TCP11: variants seen among roughly 807,000 people sequenced by gnomAD.
TCP11 encodes the protein t-complex 11, also known as T-complex protein 11 homolog.
In TCP11, 34 loss-of-function variants were observed where a neutral mutation model predicts 45.0. The observed-to-expected ratio is 0.76, with a 90% CI of 0.57 to 1.01. TCP11 has a LOEUF of 1.01. TCP11 is among the 50% of genes least tolerant of loss of function. The pLI, the probability that TCP11 is intolerant of heterozygous loss-of-function variation, is 0.00. For synonymous variants in TCP11, 227 were observed against 227.0 expected, an observed-to-expected ratio of 1.00 and a Z score of 0.00; for missense variants, 523 against 598.1, an observed-to-expected ratio of 0.87 and a Z score of 1.31.
At chr6:35,140,618 G>T (rs1276585263) in intron 2 of TCP11, 129 bp downstream of exon 2, 22 of 701,324 alleles carry the variant, frequency 3.1e-5, no homozygotes, top group South Asian at 1.5e-5. Context: ...AGGCGGGTGG[G>T]GGAGAAACGG....
Position 35,136,129 on chromosome 6 carries a change from C to T in TCP11, c.214G>A (p.Glu72Lys). The T allele has an allele frequency of 1.2e-6, 2 of 1,613,656 alleles. No homozygotes were observed. The highest frequency in any genetic ancestry group is 1.7e-6 in the Non-Finnish European group (2 of 1,179,790). The change falls in exon 3 of 10, where the codon GAG (glutamate) becomes AAG (lysine). Residue 72 changes from glutamate (E) to lysine (K), a missense_variant. Physicochemically the swap from Glu to Lys is moderately conservative, Grantham distance 56 (BLOSUM62 1). Around this residue, in one of 2 missense-constraint regions of TCP11, gnomAD observed 225 missense variants for 210.2 expected, o/e 1.07. Transcript: ENST00000311875. ...IGMNCDYYME[E>K]KVLPPSSLEG... ...TACCTGCTTGGAGGTAAAACCTTCT[C>T]TTCCATGTAGTAATCACAATTCATC...
intron 1 of TCP11, 78 bp downstream of exon 1, chr6:35,141,127 G>A (rs1781725007): frequency 7.6e-6 from 10 of 1,313,188 alleles, no homozygotes; most frequent in Non-Finnish European, 9.7e-6. Flanking sequence ...AGCGTGGGAA[G>A]GCCCCTTCCT....
At position 35,140,828 on chromosome 6, in the gene TCP11, C is replaced by T; in HGVS notation, c.43G>A (p.Asp15Asn). The change falls in exon 2 of 10, where the codon GAC becomes AAC. Residue 15 changes from aspartate (D) to asparagine (N), a missense_variant. This residue lies in a region of TCP11 where 225 missense variants were observed against 210.2 expected (regional missense o/e 1.07). Transcript: ENST00000311875. ...KESVPPKYPG[D>N]SEGRSCKPET... ...GGCTTACAGGACCTGCCCTCTGAGT[C>T]GCCAGGATATTTCGGGGGCACACTC... The T allele has an allele frequency of 6.4e-7, 1 of 1,558,914 alleles. No individual in the cohort carries two copies. Among genetic ancestry groups the T allele is most frequent in the South Asian group, 1.2e-5 (1 of 80,536 alleles).
intron 4 of TCP11, chr6:35,128,547 T>C (rs929089357): frequency 2.0e-5 from 3 of 152,868 alleles, no homozygotes; most frequent in African/African-American, 7.2e-5. Flanking sequence ...TGCAGAACAT[T>C]GTGGGTCACC....
intron 1 of TCP11, 103 bp from the exon 2 acceptor site, chr6:35,140,987 G>C: frequency 7.2e-7 from 1 of 1,388,444 alleles, no homozygotes; most frequent in Non-Finnish European, 9.5e-7. Flanking sequence ...CGGCCTCAGG[G>C]TCTTGGGGGT....
In TCP11 at chr6:35,121,017, T is replaced by G; in HGVS notation, c.607A>C (p.Lys203Gln). ...ATAGTGTAGTTCACCATGTCCATTT[T>G]CATCCGGCCCAGAACCTGGAAGATC... is the stretch of plus-strand genomic sequence containing the variant. ...RGIFQVLGRMKMDMVNYTIQS... is the reference protein window; with the variant it reads ...RGIFQVLGRMQMDMVNYTIQS... Residue 203 changes from lysine to glutamine, a missense_variant, in exon 6 of 10, where the codon AAA (lysine) becomes CAA (glutamine). Lys to Gln is a moderately conservative substitution (Grantham distance 53). Transcript: ENST00000311875. 1 of 1,611,796 alleles carries G rather than the reference T, an allele frequency of 6.2e-7. No homozygotes were observed. Among genetic ancestry groups the G allele is most frequent in the Non-Finnish European group, 8.5e-7 (1 of 1,178,736 alleles).
At chr6:35,124,992 A>C (rs1304516930) in intron 4 of TCP11, among the ~76,000 whole-genome samples, 2 of 151,550 alleles carry the variant, frequency 1.3e-5, no homozygotes, top group African/African-American at 2.4e-5. Context: ...GACCAGCCTG[A>C]GCAAAATGGT....
intron 2 of TCP11, chr6:35,140,356 A>G (rs1781589054): frequency 3.2e-6 from 2 of 620,904 alleles, no homozygotes; most frequent in Admixed American, 2.6e-5. Context: ...GACTGGGCCC[A>G]GGACACTACT....
At chr6:35,127,341 T>C (rs1420051162) in intron 4 of TCP11, among the ~76,000 whole-genome samples, 1 of 152,008 alleles carries the variant, frequency 6.6e-6, no homozygotes, top group African/African-American at 2.4e-5. Context: ...ACTTCCAAGC[T>C]CAATATTAAA....
chr6:35,130,890 G>A (rs1396776180), intron 3 of TCP11, among the ~76,000 whole-genome samples: 1 of 152,196 alleles, frequency 6.6e-6, no homozygotes, highest in Non-Finnish European at 1.5e-5. Context: ...GAAAGCTTAT[G>A]TTCACACGAA....
At chr6:35,122,371 G>A (rs372049178) in intron 4 of TCP11, 34 bp from the exon 5 acceptor site, 72 of 1,595,820 alleles carry the variant, frequency 4.5e-5, no homozygotes, top group Middle Eastern at 1.7e-4. Context: ...GAGTTGATCT[G>A]TTTAGATCCC....
chr6:35,128,237 A>T (rs183357727), intron 4 of TCP11: 37 of 152,282 alleles, frequency 2.4e-4, no homozygotes, highest in African/African-American at 8.2e-4. Context: ...TTGTTGGCAG[A>T]ATTCATTTCC....
chr6:35,132,160 T>C (rs1429381840), intron 3 of TCP11, among the ~76,000 whole-genome samples: 4 of 152,248 alleles, frequency 2.6e-5, no homozygotes, highest in East Asian at 1.9e-4. Context: ...TTGTAACACC[T>C]TGGGCTCAGC....
Position 35,122,123 on chromosome 6 carries a change from A to T in TCP11, c.572T>A (p.Leu191Gln). The change falls in exon 5 of 10, where the codon CTA (leucine) becomes CAA (glutamine). Residue 191 changes from leucine to glutamine, a missense_variant. Transcript: ENST00000311875. Reference sequence around the variant, plus strand: ...GCAGTATCAAGTTTCATACCTCAGTAGCCAAACAGGATCCGTAATGTTTTC... The same window carrying T: ...GCAGTATCAAGTTTCATACCTCAGTTGCCAAACAGGATCCGTAATGTTTTC... ...KLENITDPVW[L>Q]LRGIFQVLGR... 6.2e-7 allele frequency: 1 copy of T among 1,614,210 alleles called. No homozygotes were observed.
chr6:35,129,009 A>G (rs1350755317), intron 4 of TCP11, 53 bp downstream of exon 4: 7 of 1,596,326 alleles, frequency 4.4e-6, no homozygotes, highest in Non-Finnish European at 6.0e-6. Context: ...CTGACACTCC[A>G]ATGAGCTGGA....
intron 4 of TCP11, among the ~76,000 whole-genome samples, chr6:35,125,992 G>A (rs1180684155): frequency 6.6e-6 from 1 of 152,198 alleles, no homozygotes; most frequent in Non-Finnish European, 1.5e-5. Flanking sequence ...GCTAGTGGGA[G>A]AGGGGAAAGG....
At chr6:35,140,907 T>C (rs770776430) in intron 1 of TCP11, 23 bp from the exon 2 acceptor site, 3 of 1,535,446 alleles carry the variant, frequency 2.0e-6, no homozygotes, top group Admixed American at 4.3e-5. Flanking sequence ...GAAAGGCGTG[T>C]TGTTGGCGTC....
chr6:35,136,438 C>A (rs1045437836), intron 2 of TCP11, among the ~76,000 whole-genome samples: 3 of 151,044 alleles, frequency 2.0e-5, no homozygotes, highest in African/African-American at 7.3e-5. Context: ...GGACAAATAG[C>A]TAGTTTATAA....
rs1163935151 is a variant in TCP11, at chr6:35,120,570, G to T, written c.792C>A (p.Asp264Glu). 6.2e-7 allele frequency: 1 copy of T among 1,613,908 alleles called. No homozygotes were observed. Among genetic ancestry groups the T allele is most frequent in the Admixed American group, 1.7e-5 (1 of 60,030 alleles). ...DLTMSPPTCP[D>E]TSDSSSVAGP... ...CAGCCACACTGGAGGAGTCAGAAGT[G>T]TCTGGGCAAGTCGGAGGTGACATGG... Residue 264 changes from aspartate to glutamate, a missense_variant, in exon 7 of 10, where the codon GAC becomes GAA. By Grantham distance (45) the Asp-to-Glu change is conservative (BLOSUM62 2). Coordinates refer to ENST00000311875, the MANE Select transcript of TCP11 (RefSeq NM_001370687.1). This position sits in a 1 kb window ranked among gnomAD's most constrained non-coding sequence, Gnocchi z 4.9.
Sources: allele counts gnomAD v4.1 joint callset (sites outside exome capture counted in the v4.1 genomes callset), GRCh38; gene constraint gnomAD v4.1.1; regional missense constraint gnomAD v4.1.1; non-coding constraint Gnocchi (gnomAD v3.1); transcripts MANE v1.5; gene names NCBI Gene and HGNC (gene_info 2026-07-23, HGNC 2026-07-21).